The following CDH18 variants were observed in gnomAD, a reference collection of about 807,000 sequenced individuals.
The protein encoded by CDH18 is cadherin 18, also known as cadherin-18.
In CDH18, 31 loss-of-function variants were observed where a neutral mutation model predicts 67.9. That is an observed-to-expected ratio of 0.46 (90% confidence interval 0.34 to 0.62). CDH18 has a LOEUF of 0.62. Ranked by LOEUF, CDH18 falls within the 20% of genes least tolerant of loss-of-function variation. The probability of loss-of-function intolerance (pLI) is 0.01; values close to 1 mark genes in which losing one functional copy is unlikely to be tolerated. For missense variants in CDH18, 890 were observed against 975.5 expected, an observed-to-expected ratio of 0.91 and a Z score of 1.17; for synonymous variants, 362 against 347.2, an observed-to-expected ratio of 1.04 and a Z score of -0.48.
chr5:20,140,003 A>G (rs1213333007), intron 2 of CDH18, among the ~76,000 whole-genome samples: 2 of 152,220 alleles, frequency 1.3e-5, no homozygotes, highest in African/African-American at 4.8e-5. Context: ...ATGCTGCTAT[A>G]AAGACACATG....
chr5:19,499,129 C>T (rs1482565290), intron 11 of CDH18, among the ~76,000 whole-genome samples: 1 of 152,132 alleles, frequency 6.6e-6, no homozygotes, highest in South Asian at 2.1e-4. Context: ...TGGAAACATG[C>T]TAAACTTGTT....
chr5:20,517,582 T>C (rs529530523), intron 1 of CDH18, among the ~76,000 whole-genome samples: 7 of 152,136 alleles, frequency 4.6e-5, no homozygotes, highest in Admixed American at 4.6e-4. Context: ...CCCTTTCATG[T>C]ATTTACTTTG....
intron 1 of CDH18, among the ~76,000 whole-genome samples, chr5:20,501,366 T>C (rs1213258821): frequency 1.3e-5 from 2 of 148,364 alleles, no homozygotes; most frequent in African/African-American, 4.9e-5. Flanking sequence ...CAACTATTTC[T>C]ATAATTTATA....
chr5:20,423,973 T>G (rs1194734657), intron 1 of CDH18, among the ~76,000 whole-genome samples: 1 of 98,288 alleles, frequency 1.0e-5, no homozygotes, highest in African/African-American at 4.7e-5. Flanking sequence ...AAAAAAAAAA[T>G]TGTCCTAGAA....
intron 1 of CDH18, among the ~76,000 whole-genome samples, chr5:20,501,425 A>G (rs1334103107): frequency 4.0e-5 from 5 of 123,618 alleles, no homozygotes; most frequent in African/African-American, 1.2e-4. Context: ...TATACATATT[A>G]TATATATATT....
At chr5:20,390,178 AACT>A (rs1416963909) in intron 1 of CDH18, among the ~76,000 whole-genome samples, 1 of 152,204 alleles carries the variant, frequency 6.6e-6, no homozygotes, top group East Asian at 1.9e-4. Flanking sequence ...CAGCAAAAGA[AACT>A]ACTATCAGAG....
At chr5:19,966,285 G>A (rs1173872941) in intron 2 of CDH18, among the ~76,000 whole-genome samples, 1 of 152,048 alleles carries the variant, frequency 6.6e-6, no homozygotes, top group East Asian at 1.9e-4. Context: ...ATCCAATAAT[G>A]CTCTTGCTCA....
intron 3 of CDH18, among the ~76,000 whole-genome samples, chr5:19,819,376 G>T (rs1463210790): frequency 6.6e-6 from 1 of 152,182 alleles, no homozygotes; most frequent in Non-Finnish European, 1.5e-5. Context: ...TCCAACAAGA[G>T]AAGCTAAAAT....
intron 5 of CDH18, among the ~76,000 whole-genome samples, chr5:19,654,160 C>G (rs1755985089): frequency 6.6e-6 from 1 of 152,056 alleles, no homozygotes; most frequent in Admixed American, 6.6e-5. Flanking sequence ...ACGTACAGCC[C>G]TGTAACAGAG....
intron 1 of CDH18, among the ~76,000 whole-genome samples, chr5:20,418,076 A>G (rs1420223486): frequency 6.6e-6 from 1 of 151,250 alleles, no homozygotes; most frequent in Non-Finnish European, 1.5e-5. Flanking sequence ...TTTGTTTTTT[A>G]TTTTTATTTT....
intron 5 of CDH18, among the ~76,000 whole-genome samples, chr5:19,627,631 C>A (rs1156560864): frequency 6.6e-6 from 1 of 152,076 alleles, no homozygotes; most frequent in Non-Finnish European, 1.5e-5. Flanking sequence ...TGCTACATAT[C>A]TTTTATATCT....
intron 2 of CDH18, among the ~76,000 whole-genome samples, chr5:20,229,818 G>T (rs1179823141): frequency 6.6e-6 from 1 of 151,796 alleles, no homozygotes; most frequent in Non-Finnish European, 1.5e-5. Flanking sequence ...GATAATTTTT[G>T]TTTGTTCCTC....
intron 1 of CDH18, chr5:20,304,816 G>C: frequency 6.2e-7 from 1 of 1,611,154 alleles, no homozygotes; most frequent in Non-Finnish European, 8.5e-7. Context: ...AGCTTTGTTA[G>C]ATTCACTTTC....
intron 1 of CDH18, among the ~76,000 whole-genome samples, chr5:20,496,967 G>C (rs1753944346): frequency 6.6e-6 from 1 of 152,074 alleles, no homozygotes; most frequent in Non-Finnish European, 1.5e-5. Flanking sequence ...TGCTAGTGGA[G>C]GGTGGGGCAA....
intron 3 of CDH18, among the ~76,000 whole-genome samples, chr5:19,805,720 CCCTTT>C (rs895440323): frequency 4.6e-5 from 7 of 151,572 alleles, no homozygotes; most frequent in African/African-American, 1.7e-4. Flanking sequence ...CTTTTTTTTT[CCCTTT>C]CAACAGACAC....
chr5:19,696,824 C>A (rs1401088836), intron 5 of CDH18, among the ~76,000 whole-genome samples: 1 of 152,098 alleles, frequency 6.6e-6, no homozygotes, highest in Non-Finnish European at 1.5e-5. Flanking sequence ...ATGATAAGCT[C>A]AAACACATTT....
intron 4 of CDH18, among the ~76,000 whole-genome samples, chr5:19,737,983 TGAATAA>T (rs1165907459): frequency 2.6e-5 from 4 of 152,148 alleles, no homozygotes; most frequent in Admixed American, 2.6e-4. Context: ...ATTTATGTAA[TGAATAA>T]GAATGATTCT....
rs567586390 is a variant in CDH18 at position 20,249,207 on chromosome 5, A to AT, written c.-518+6236dup. Among the ~76,000 whole-genome samples, 867 of 152,096 alleles carry AT rather than the reference A, an allele frequency of 5.7e-3. 9 individuals are homozygous for AT. Among genetic ancestry groups the AT allele is most frequent in the African/African-American group, 0.019 (804 of 41,530 alleles). On this transcript the variant is annotated intron_variant, in intron 2 of 14. Coordinates refer to the CDH18 transcript ENST00000507958. ...GTGATCAAGCAAAATTCATTATGTG[A>AT]TTTTTTTAAATTATTTTTAAAACTT... is the stretch of plus-strand genomic sequence containing the variant.
chr5:20,180,153 T>G (rs1348833047), intron 2 of CDH18, among the ~76,000 whole-genome samples: 1 of 152,118 alleles, frequency 6.6e-6, no homozygotes. Flanking sequence ...AGGTTTCACA[T>G]CACCAAGATT....
Sources: gnomAD v4.1 joint callset for allele counts (sites outside exome capture counted in the v4.1 genomes callset) on GRCh38, gnomAD v4.1.1 for gene constraint, MANE v1.5 for transcripts, NCBI Gene and HGNC (gene_info 2026-07-23, HGNC 2026-07-21) for gene names.